Variants in EVL observed in about 807,000 individuals in gnomAD.
EVL encodes the protein Enah/Vasp-like, also known as ena/VASP-like protein.
A neutral mutation model predicts 59.6 loss-of-function variants in EVL; 21 were observed. The ratio of observed to expected loss-of-function variants is 0.35; its 90% CI spans 0.25 to 0.51. The LOEUF is 0.51. Among genes scored for constraint, EVL ranks in the 20% least tolerant of loss-of-function variants. EVL has a pLI of 0.97. For synonymous variants in EVL, 198 were observed against 203.5 expected (o/e 0.97, Z 0.23); for missense variants, 462 against 546.6 (o/e 0.85, Z 1.54).
chr14:99,988,206 G>T (rs1464034446), intron 1 of EVL, among the ~76,000 whole-genome samples: 1 of 151,970 alleles, frequency 6.6e-6, no homozygotes, highest in Non-Finnish European at 1.5e-5. Context: ...GTGAGCCGCC[G>T]TGCCTGGCCA....
chr14:100,128,619 C>T lies in EVL; in HGVS notation c.588C>T (p.Pro196=). 4 of 1,494,064 alleles carry T rather than the reference C, an allele frequency of 2.7e-6. No individual in the cohort carries two copies. Among genetic ancestry groups the T allele is most frequent in the Non-Finnish European group, 3.6e-6 (4 of 1,104,902 alleles). The allele number at this position is 1,494,064 out of a possible 1,614,324, so 92.6% of individuals were successfully genotyped here. ...CCCCACCCCCAGTCCCACCTCCACC[C>T]ACTGGGGCTACCCCACCTCCCCCAC... ...PPPPPPVPPP[P]TGATPPPPPP... is the part of the protein sequence containing the mutation. Residue 196 remains proline, a synonymous_variant, in exon 6 of 14, where the codon CCC becomes CCT. Coordinates refer to ENST00000392920, the MANE Select transcript of EVL (RefSeq NM_016337.3).
Position 100,109,216 on chromosome 14 carries a change from C to T in EVL, c.358+11558C>T, listed in dbSNP as rs960552724. 1.3e-5 allele frequency among the ~76,000 whole-genome samples: 2 copies of T among 152,268 alleles called. No individual in the cohort carries two copies. Among genetic ancestry groups the T allele is most frequent in the African/African-American group, 4.8e-5 (2 of 41,482 alleles). ...TTGTAATGGGGTTGTAACCCATCCA[C>T]CTTCTCTTGTCCTTCTTCAGTCTGT... is the stretch of plus-strand genomic sequence containing the variant. On this transcript the variant is annotated intron_variant, in intron 3 of 13. Coordinates refer to ENST00000392920, the MANE Select transcript of EVL (RefSeq NM_016337.3). The surrounding 1 kb of genome is among the most constrained non-coding windows in gnomAD (Gnocchi z 4.3).
At chr14:100,113,558 TG>T (rs1470294449) in intron 3 of EVL, among the ~76,000 whole-genome samples, 1 of 151,872 alleles carries the variant, frequency 6.6e-6, no homozygotes, top group African/African-American at 2.4e-5. Context: ...GCTCATCGTG[TG>T]GGGGAAGGAT....
At chr14:100,136,977 G>A (rs1279436197) in intron 9 of EVL, 7 of 153,882 alleles carry the variant, frequency 4.5e-5, no homozygotes, top group South Asian at 2.0e-4. Flanking sequence ...CCGTTGGTCC[G>A]CAGGGTGCCA....
At position 99,995,116 on chromosome 14, in the gene EVL, G is replaced by T. The variant is rs543067166; in HGVS notation, c.5+23059G>T. 8.5e-5 allele frequency among the ~76,000 whole-genome samples: 13 copies of T among 152,204 alleles called. No homozygotes were observed. The South Asian group carries it at 1.2e-3, about 15-fold the overall frequency. On this transcript the variant is annotated intron_variant, in intron 1 of 13. Coordinates refer to the EVL transcript ENST00000402714. ...TGACTTTTGGCAGTTTGGTTATTAC[G>T]TGTGTTAGTATGCGTGTCTGGATTT...
At chr14:100,035,648 A>G (rs1229449993) in intron 1 of EVL, among the ~76,000 whole-genome samples, 1 of 152,182 alleles carries the variant, frequency 6.6e-6, no homozygotes, top group Non-Finnish European at 1.5e-5. Context: ...GATTGTTCCA[A>G]TAGGTAAGAC....
rs760937301 is a variant in EVL at position 100,137,746 on chromosome 14, G to A, written c.1038G>A (p.Pro346=). ...TTTCATTCCATTGCCGTAGAACCCC[G>A]TCTGTGGCAAAGAGCCCCGAAGCTA... ...KPVSSILSRT[P]SVAKSPEAKS... The change falls in exon 11 of 14, where the codon CCG becomes CCA. Residue 346 remains proline (P), a synonymous_variant. Coordinates refer to ENST00000392920, the MANE Select transcript of EVL (RefSeq NM_016337.3). The A allele has an allele frequency of 7.1e-5, 114 of 1,613,938 alleles. No homozygotes were observed. The highest frequency in any genetic ancestry group is 1.6e-4 in the African/African-American group (12 of 74,908).
At chr14:100,072,627 T>C (rs1237431667) in intron 1 of EVL, among the ~76,000 whole-genome samples, 1 of 152,220 alleles carries the variant, frequency 6.6e-6, no homozygotes, top group African/African-American at 2.4e-5. Context: ...AAGAAATGTA[T>C]GCTCAGGTCC....
At chr14:100,088,990 T>C (rs2062506544) in intron 2 of EVL, among the ~76,000 whole-genome samples, 1 of 152,206 alleles carries the variant, frequency 6.6e-6, no homozygotes, top group Admixed American at 6.5e-5. Context: ...AAGAAATTGA[T>C]GTGGCTATGT....
chr14:100,099,035 G>C (rs1886008707), intron 3 of EVL, among the ~76,000 whole-genome samples: 1 of 151,918 alleles, frequency 6.6e-6, no homozygotes, highest in Non-Finnish European at 1.5e-5. Context: ...GAACCTGGAG[G>C]GCTGTGGCAT....
intron 13 of EVL, among the ~76,000 whole-genome samples, chr14:100,143,304 G>A (rs894841758): frequency 1.3e-5 from 2 of 152,012 alleles, no homozygotes; most frequent in Non-Finnish European, 2.9e-5. Flanking sequence ...ACTATGTTGG[G>A]GGAAGGGCTC....
intron 5 of EVL, 75 bp downstream of exon 5, chr14:100,126,846 AG>A: frequency 6.9e-7 from 1 of 1,446,436 alleles, no homozygotes; most frequent in Non-Finnish European, 9.6e-7. Context: ...GATGAGGCCC[AG>A]GGACACACGG....
chr14:100,077,734 A>G (rs1020873762), intron 1 of EVL, among the ~76,000 whole-genome samples: 3 of 152,146 alleles, frequency 2.0e-5, no homozygotes, highest in African/African-American at 7.2e-5. Flanking sequence ...GTGTTTTAAT[A>G]AACACTCACC....
At chr14:99,971,726 G>T (rs2060733264) in exon 1 of EVL, 1 of 147,150 alleles carries the variant, frequency 6.8e-6, no homozygotes, top group East Asian at 2.0e-4. Flanking sequence ...CCGGACCCCA[G>T]CCGGCTCGCC....
intron 3 of EVL, among the ~76,000 whole-genome samples, chr14:100,113,337 A>G (rs912990256): frequency 6.6e-6 from 1 of 152,186 alleles, no homozygotes; most frequent in Non-Finnish European, 1.5e-5. Context: ...GTCAAAGAGC[A>G]AGTGAGAGCC....
rs577555602 is a variant in EVL, at chr14:100,052,422, AATTTAC to A, written c.6-32264_6-32259del. On this transcript the variant is annotated intron_variant, in intron 1 of 13. Transcript: ENST00000402714. ...TATTACATCTTTTCGCAACCATTTA[AATTTAC>A]CTTGAAAAATTGTAGATGTCACCTT... is the stretch of plus-strand genomic sequence containing the variant. Among the ~76,000 whole-genome samples, 142 of 152,286 alleles carry A rather than the reference AATTTAC, an allele frequency of 9.3e-4. No individual in the cohort carries two copies. In the Middle Eastern group the frequency reaches 0.01, roughly 11 times the overall value.
chr14:100,017,974 C>G (rs537274952), intron 1 of EVL, among the ~76,000 whole-genome samples: 1 of 152,200 alleles, frequency 6.6e-6, no homozygotes, highest in East Asian at 1.9e-4. Context: ...CACCTTCGTG[C>G]GAATGCATGT....
exon 1 of EVL, chr14:99,971,818 G>T (rs1306747725): frequency 6.8e-6 from 1 of 146,650 alleles, no homozygotes; most frequent in Non-Finnish European, 1.5e-5. Context: ...CGCCAAGATG[G>T]CAGGGGCCGG....
At chr14:99,988,144 G>T (rs545742569) in intron 1 of EVL, among the ~76,000 whole-genome samples, 70 of 151,900 alleles carry the variant, frequency 4.6e-4, no homozygotes, top group Non-Finnish European at 2.1e-4. Flanking sequence ...CCAAACTCCC[G>T]ACTTCAGGTG....
Sources: gnomAD v4.1 joint callset for allele counts (sites outside exome capture counted in the v4.1 genomes callset) on GRCh38, gnomAD v4.1.1 for gene constraint, Gnocchi (gnomAD v3.1) non-coding constraint, MANE v1.5 for transcripts, NCBI Gene and HGNC (gene_info 2026-07-23, HGNC 2026-07-21) for gene names.